The following PSMB2 variants were observed in gnomAD, a reference collection of about 807,000 sequenced individuals.
PSMB2 encodes proteasome subunit beta type-2.
In PSMB2, 13 loss-of-function variants were observed where a neutral mutation model predicts 25.7. That is an observed-to-expected ratio of 0.51 (90% CI 0.33 to 0.80). The LOEUF (loss-of-function observed/expected upper bound fraction) is 0.80, where lower values mean the gene tolerates loss of function less well. Among genes scored for constraint, PSMB2 ranks in the 30% least tolerant of loss-of-function variants. The pLI is 0.02. For missense variants in PSMB2, 202 were observed against 259.0 expected, an observed-to-expected ratio of 0.78 and a Z score of 1.51; for synonymous variants, 87 against 96.2, an observed-to-expected ratio of 0.90 and a Z score of 0.56.
intron 3 of PSMB2, among the ~76,000 whole-genome samples, chr1:35,623,486 G>A (rs1351558274): frequency 6.6e-6 from 1 of 152,134 alleles, no homozygotes; most frequent in Non-Finnish European, 1.5e-5. Context: ...TTGAATTTCC[G>A]CATCACCAAA....
intron 2 of PSMB2, among the ~76,000 whole-genome samples, chr1:35,635,828 CAA>C (rs1163061850): frequency 0.025 from 859 of 34,072 alleles, 4 homozygotes; most frequent in African/African-American, 0.069. Flanking sequence ...GACTCCGTCT[CAA>C]AAAAAAAAAA....
chr1:35,611,704 A>G (rs1650348143), intron 3 of PSMB2, among the ~76,000 whole-genome samples: 1 of 152,116 alleles, frequency 6.6e-6, no homozygotes, highest in Non-Finnish European at 1.5e-5. Flanking sequence ...CGAGCCTATA[A>G]TCCCAGCTAC....
At chr1:35,612,762 GTA>G (rs1310761073) in intron 3 of PSMB2, among the ~76,000 whole-genome samples, 1 of 152,170 alleles carries the variant, frequency 6.6e-6, no homozygotes, top group Non-Finnish European at 1.5e-5. Context: ...AACACTCACT[GTA>G]TACTTAGCCA....
intron 4 of PSMB2, among the ~76,000 whole-genome samples, chr1:35,605,653 C>T (rs933795007): frequency 1.3e-5 from 2 of 152,214 alleles, no homozygotes; most frequent in African/African-American, 4.8e-5. Flanking sequence ...TTCCATCTGC[C>T]CCAGTCAGCT....
At chr1:35,606,022 T>C (rs1397567343) in intron 4 of PSMB2, among the ~76,000 whole-genome samples, 1 of 152,234 alleles carries the variant, frequency 6.6e-6, no homozygotes, top group Non-Finnish European at 1.5e-5. Context: ...ATTCTTACGA[T>C]ACTGACAGTG....
At chr1:35,613,554 G>C (rs771380302) in intron 3 of PSMB2, among the ~76,000 whole-genome samples, 25 of 152,132 alleles carry the variant, frequency 1.6e-4, no homozygotes, top group Admixed American at 3.3e-4. Flanking sequence ...ATGTGAGAAA[G>C]CAATAAGTGC....
intron 3 of PSMB2, among the ~76,000 whole-genome samples, chr1:35,614,271 T>G (rs994174973): frequency 6.6e-6 from 1 of 152,212 alleles, no homozygotes; most frequent in Non-Finnish European, 1.5e-5. Flanking sequence ...CAGTTTTTCA[T>G]CAGTTCCCTT....
chr1:35,621,352 A>G (rs532121755), intron 3 of PSMB2, among the ~76,000 whole-genome samples: 1 of 152,316 alleles, frequency 6.6e-6, no homozygotes, highest in African/African-American at 2.4e-5. Context: ...GAAGGCCCAC[A>G]TTGAGGTGTG....
chr1:35,606,368 T>A (rs1446011555), intron 4 of PSMB2, among the ~76,000 whole-genome samples: 1 of 152,048 alleles, frequency 6.6e-6, no homozygotes, highest in Non-Finnish European at 1.5e-5. Flanking sequence ...GGATACAAAA[T>A]TAATATACAA....
At chr1:35,638,331 C>A (rs1260146450) in intron 1 of PSMB2, among the ~76,000 whole-genome samples, 1 of 152,158 alleles carries the variant, frequency 6.6e-6, no homozygotes, top group Non-Finnish European at 1.5e-5. Flanking sequence ...ACGAGATCCA[C>A]ATACATGAAA....
At position 35,600,570 on chromosome 1, in the gene PSMB2, T is replaced by A. The variant is rs1452155940; in HGVS notation, c.*2697A>T. 1 of 985,340 alleles carries A rather than the reference T, an allele frequency of 1.0e-6. No homozygotes were observed. The highest frequency in any genetic ancestry group is 1.2e-6 in the Non-Finnish European group (1 of 829,934). The allele number at this position is 985,340 out of a possible 1,614,324, so 61.0% of individuals were successfully genotyped here. A position where few individuals can be genotyped will look rare whatever the true frequency, so the allele number is the denominator to read the frequency against. Reference sequence around the variant, plus strand: ...GGGCACTTGGGAAACCAGGTAGCTCTAATTCTCTAAGACAGAATGTCATAG... The same window carrying A: ...GGGCACTTGGGAAACCAGGTAGCTCAAATTCTCTAAGACAGAATGTCATAG... On this transcript the variant is annotated 3_prime_UTR_variant, in exon 6 of 6. Transcript: ENST00000373237.
chr1:35,603,146 A>G lies in PSMB2; in HGVS notation c.*121T>C. 1 of 1,457,618 alleles carries G rather than the reference A, an allele frequency of 6.9e-7. No homozygotes were observed. Among genetic ancestry groups the G allele is most frequent in the Non-Finnish European group, 9.0e-7 (1 of 1,106,312 alleles). 90.3% of individuals were successfully genotyped at this position (1,457,618 alleles called of 1,614,324 possible). On this transcript the variant is annotated 3_prime_UTR_variant, in exon 6 of 6. Coordinates refer to ENST00000373237, the MANE Select transcript of PSMB2 (RefSeq NM_002794.5). Reference sequence around the variant, plus strand: ...GACCTGGACCAGAGGGCTCAATTATATCCATAGTCACCTTTATTCTGAATT... The same window carrying G: ...GACCTGGACCAGAGGGCTCAATTATGTCCATAGTCACCTTTATTCTGAATT...
chr1:35,611,082 G>A (rs1157937863), intron 3 of PSMB2, among the ~76,000 whole-genome samples: 3 of 152,058 alleles, frequency 2.0e-5, no homozygotes, highest in African/African-American at 7.2e-5. Context: ...ATTTTATATG[G>A]CTTTCTTTTT....
At chr1:35,640,060 A>ATATACTATAC (rs1553126262) in intron 1 of PSMB2, among the ~76,000 whole-genome samples, 5 of 147,246 alleles carry the variant, frequency 3.4e-5, no homozygotes, top group African/African-American at 1.3e-4. Context: ...AAGTACTATA[A>ATATACTATAC]TATACTATAC....
At position 35,601,987 on chromosome 1, in the gene PSMB2, T is replaced by A; in HGVS notation, c.*1280A>T. ...ATAAGCATATCTATATGTATTGATA[T>A]AAAACAATCTCTAATATAGTGTTAA... On this transcript the variant is annotated 3_prime_UTR_variant, in exon 6 of 6. Coordinates refer to ENST00000373237, the MANE Select transcript of PSMB2 (RefSeq NM_002794.5). 3.5e-6 allele frequency: 3 copies of A among 864,122 alleles called. No individual in the cohort carries two copies. The highest frequency in any genetic ancestry group is 4.2e-6 in the Non-Finnish European group (3 of 719,530). The allele number at this position is 864,122 out of a possible 1,614,324, so 53.5% of individuals were successfully genotyped here.
chr1:35,625,213 T>TA (rs1164728421), intron 3 of PSMB2, among the ~76,000 whole-genome samples: 1 of 152,166 alleles, frequency 6.6e-6, no homozygotes, highest in Non-Finnish European at 1.5e-5. Context: ...AATAAATAGG[T>TA]AAAAAGATAA....
intron 1 of PSMB2, among the ~76,000 whole-genome samples, chr1:35,637,804 G>A (rs775251375): frequency 1.3e-5 from 2 of 152,104 alleles, no homozygotes; most frequent in Non-Finnish European, 2.9e-5. Context: ...TTGTTATGCA[G>A]GCTAGATTTA....
intron 3 of PSMB2, among the ~76,000 whole-genome samples, chr1:35,611,877 C>T (rs933624501): frequency 1.3e-5 from 2 of 151,822 alleles, no homozygotes; most frequent in Admixed American, 6.6e-5. Flanking sequence ...CACTATGTTG[C>T]CCAGGCTGGC....
At chr1:35,637,589 C>G (rs184590037) in intron 1 of PSMB2, among the ~76,000 whole-genome samples, 317 of 152,276 alleles carry the variant, frequency 2.1e-3, no homozygotes, top group Non-Finnish European at 3.5e-3. Context: ...CTGGGAGACA[C>G]GTTTCCTGTT....
Sources: allele counts gnomAD v4.1 joint callset (sites outside exome capture counted in the v4.1 genomes callset), GRCh38; gene constraint gnomAD v4.1.1; transcripts MANE v1.5; gene names NCBI Gene and HGNC (gene_info 2026-07-23, HGNC 2026-07-21).